The following SGK1 variants were observed in gnomAD, a reference collection of about 807,000 sequenced individuals.
SGK1 encodes the protein serum/glucocorticoid regulated kinase 1, also known as serine/threonine-protein kinase Sgk1.
In SGK1, 26 loss-of-function variants were observed where a neutral mutation model predicts 64.2. That is an observed-to-expected ratio of 0.40 (90% CI 0.30 to 0.56). The LOEUF (loss-of-function observed/expected upper bound fraction) is 0.56, where lower values mean the gene tolerates loss of function less well. Among genes scored for constraint, SGK1 ranks in the 20% least tolerant of loss-of-function variants. The pLI is 0.38. For missense variants in SGK1, 519 were observed against 645.6 expected (o/e 0.80, Z 2.12); for synonymous variants, 265 against 239.7 (o/e 1.11, Z -0.98).
intron 1 of SGK1, among the ~76,000 whole-genome samples, chr6:134,264,150 G>A (rs1277504714): frequency 5.5e-5 from 8 of 145,988 alleles, no homozygotes; most frequent in South Asian, 2.2e-4. Flanking sequence ...ACAGAGTCTC[G>A]CTCTGTTGCC....
intron 3 of SGK1, among the ~76,000 whole-genome samples, chr6:134,190,830 G>T (rs546281729): frequency 6.6e-6 from 1 of 152,142 alleles, no homozygotes; most frequent in Non-Finnish European, 1.5e-5. Context: ...AGAGGCATAC[G>T]ATGGTAACAG....
chr6:134,231,575 TC>T (rs1776279073), intron 2 of SGK1, among the ~76,000 whole-genome samples: 3 of 152,210 alleles, frequency 2.0e-5, no homozygotes, highest in Admixed American at 2.0e-4. Flanking sequence ...AATATTTTTA[TC>T]CCAGTTGTCT....
chr6:134,177,671 G>T, intron 3 of SGK1: 1 of 1,613,750 alleles, frequency 6.2e-7, no homozygotes, highest in Non-Finnish European at 8.5e-7. Context: ...ACCTTTCAAA[G>T]GGGGTTTTAT....
chr6:134,173,491 T>C lies in SGK1; in HGVS notation c.589A>G (p.Lys197Glu). The change falls in exon 6 of 14, where the codon AAA becomes GAA. Residue 197 changes from lysine to glutamate, a missense_variant. This residue lies in a region of SGK1 where 278 missense variants were observed against 408.7 expected (regional missense o/e 0.68). Transcript: ENST00000367858. ...CCAAAACTGCCCTTTCCGATCACTT[T>C]CAAGAAGTGAAAGTCAGATGGTTTA... ...HAKPSDFHFL[K>E]VIGKGSFGKV... is the part of the protein sequence containing the mutation. 6.2e-7 allele frequency: 1 copy of C among 1,613,248 alleles called. No homozygotes were observed.
rs118122198 is a variant in SGK1, at chr6:134,203,518, G to A, written c.361+3838C>T. 8.1e-3 allele frequency among the ~76,000 whole-genome samples: 1,240 copies of A among 152,152 alleles called. 9 individuals are homozygous for A. The highest frequency in any genetic ancestry group is 0.013 in the Non-Finnish European group (889 of 67,998). Reference sequence around the variant, plus strand: ...AAACATCACAAGTAAAAAAAACAGAGATCATTAGATAGGATTTTAAGAGGA... The same window carrying A: ...AAACATCACAAGTAAAAAAAACAGAAATCATTAGATAGGATTTTAAGAGGA... On this transcript the variant is annotated intron_variant, in intron 3 of 13. Transcript: ENST00000367858.
rs1582729868 is a variant in SGK1 at position 134,230,896 on chromosome 6, T to C, written c.286-23465A>G. Among the ~76,000 whole-genome samples, 3 of 152,108 alleles carry C rather than the reference T, an allele frequency of 2.0e-5. No homozygotes were observed. In the South Asian group the frequency reaches 6.2e-4, roughly 32 times the overall value. On this transcript the variant is annotated intron_variant, in intron 2 of 13. Coordinates refer to ENST00000367858, the MANE Select transcript of SGK1 (RefSeq NM_001143676.3). The stretch of plus-strand genomic sequence containing the variant: ...GGGCGTGGTGGCACGTGCCTGTAAT[T>C]CCAGCTACTCGGGAGGCTAAGGCAG...
intron 1 of SGK1, among the ~76,000 whole-genome samples, chr6:134,295,112 C>T (rs904934952): frequency 1.3e-5 from 2 of 151,974 alleles, no homozygotes; most frequent in African/African-American, 4.8e-5. Flanking sequence ...CCTCCATTGA[C>T]ATTCTCCTGC....
chr6:134,276,781 G>C (rs150085174), intron 1 of SGK1, among the ~76,000 whole-genome samples: 1 of 152,196 alleles, frequency 6.6e-6, no homozygotes, highest in Non-Finnish European at 1.5e-5. Context: ...GCTGTGCATG[G>C]TGGCTCACAC....
chr6:134,209,421 G>A (rs1333552986), intron 2 of SGK1, among the ~76,000 whole-genome samples: 2 of 152,072 alleles, frequency 1.3e-5, no homozygotes, highest in Non-Finnish European at 2.9e-5. Flanking sequence ...ACGACAAAGC[G>A]AGCCTCTGTC....
At chr6:134,232,798 G>A (rs971380725) in intron 2 of SGK1, among the ~76,000 whole-genome samples, 1 of 151,262 alleles carries the variant, frequency 6.6e-6, no homozygotes, top group Non-Finnish European at 1.5e-5. Context: ...GTTGCAGTGA[G>A]CCGAGATGGC....
chr6:134,253,948 G>A (rs1468651515), intron 2 of SGK1, among the ~76,000 whole-genome samples: 1 of 151,970 alleles, frequency 6.6e-6, no homozygotes, highest in African/African-American at 2.4e-5. Context: ...GACGGACAGC[G>A]GACTCTGAGG....
intron 1 of SGK1, chr6:134,298,197 G>T: frequency 6.5e-7 from 1 of 1,537,150 alleles, no homozygotes; most frequent in Non-Finnish European, 8.9e-7. Flanking sequence ...GCCCCTGCAT[G>T]TTGCCAAGCT....
intron 3 of SGK1, among the ~76,000 whole-genome samples, chr6:134,197,781 G>A (rs1763519): frequency 8.0e-5 from 12 of 150,432 alleles, no homozygotes; most frequent in African/African-American, 2.5e-4. Context: ...AACTGAGATC[G>A]CGCCACTGAG....
At chr6:134,199,339 A>C (rs968710606) in intron 3 of SGK1, among the ~76,000 whole-genome samples, 2 of 152,142 alleles carry the variant, frequency 1.3e-5, no homozygotes, top group Non-Finnish European at 2.9e-5. Flanking sequence ...CAGGCAGATC[A>C]CTTGAGCTCA....
intron 1 of SGK1, among the ~76,000 whole-genome samples, chr6:134,267,218 T>G (rs1776867843): frequency 6.6e-6 from 1 of 151,842 alleles, no homozygotes; most frequent in African/African-American, 2.4e-5. Flanking sequence ...TTTCTTTTTG[T>G]TTTTTATTTT....
intron 3 of SGK1, among the ~76,000 whole-genome samples, chr6:134,189,545 A>T (rs1470280669): frequency 6.6e-6 from 1 of 152,192 alleles, no homozygotes; most frequent in Non-Finnish European, 1.5e-5. Context: ...CTCTCTACTT[A>T]TTTAGAGCAA....
At chr6:134,285,503 C>G (rs1777170330) in intron 1 of SGK1, among the ~76,000 whole-genome samples, 1 of 149,476 alleles carries the variant, frequency 6.7e-6, no homozygotes. Context: ...AAAAGGTGGT[C>G]CCTTTTCACC....
In SGK1 at chr6:134,283,936, C is replaced by A. The variant is rs535361755; in HGVS notation, c.70-21788G>T. On this transcript the variant is annotated intron_variant, in intron 1 of 13. Transcript: ENST00000367858. ...GACCAATCTTTCACTCTTTTAAGTG[C>A]CAAAATAATGCATTTTGGGTTTCAG... 2.1e-5 allele frequency among the ~76,000 whole-genome samples: 3 copies of A among 139,946 alleles called. No individual in the cohort carries two copies. In the East Asian group the frequency reaches 6.5e-4, roughly 30 times the overall value. 91.8% of individuals were successfully genotyped at this position (139,946 alleles called of 152,430 possible). A position where few individuals can be genotyped will look rare whatever the true frequency, so the allele number is the denominator to read the frequency against.
intron 1 of SGK1, among the ~76,000 whole-genome samples, chr6:134,312,868 G>A (rs1777626419): frequency 6.6e-6 from 1 of 152,088 alleles, no homozygotes; most frequent in African/African-American, 2.4e-5. Flanking sequence ...CGCCTCCCTG[G>A]TTCAAGCGAT....
Sources: gnomAD v4.1 joint callset for allele counts (sites outside exome capture counted in the v4.1 genomes callset) on GRCh38, gnomAD v4.1.1 for gene constraint, gnomAD v4.1.1 regional missense constraint, MANE v1.5 for transcripts, NCBI Gene and HGNC (gene_info 2026-07-23, HGNC 2026-07-21) for gene names.